RARB: variants seen among roughly 807,000 people sequenced by gnomAD.
RARB encodes the protein HBV-activated protein.
In RARB, 17 loss-of-function variants were observed where a neutral mutation model predicts 51.9. The ratio of observed to expected loss-of-function variants is 0.33; its 90% CI spans 0.22 to 0.49. RARB has a LOEUF of 0.49. RARB is among the 20% of genes least tolerant of loss of function. The probability of loss-of-function intolerance (pLI) is 0.99; values close to 1 mark genes in which losing one functional copy is unlikely to be tolerated. For synonymous variants in RARB, 215 were observed against 195.4 expected, an observed-to-expected ratio of 1.10 and a Z score of -0.84; for missense variants, 369 against 550.8, an observed-to-expected ratio of 0.67 and a Z score of 3.30.
intron 5 of RARB, among the ~76,000 whole-genome samples, chr3:25,202,559 C>G (rs1245651802): frequency 1.3e-5 from 2 of 152,128 alleles, no homozygotes; most frequent in Non-Finnish European, 1.5e-5. Flanking sequence ...CCTGCTTTGT[C>G]TTGCGGGCAT....
chr3:25,539,692 TTCCAGAGGTGGTCTG>T lies in RARB; in HGVS notation c.449-30058_449-30044del, dbSNP rs768930975. 6.2e-4 allele frequency among the ~76,000 whole-genome samples: 94 copies of T among 151,996 alleles called. 1 individual carries two copies. Among genetic ancestry groups the T allele is most frequent in the Admixed American group, 3.9e-4 (6 of 15,266 alleles). ...AGAGTCCCATTAATGGATCCTGGTATTCCAGAGGTGGTCTGTCCAGAGTACAGGAAAATGATCATC... is the reference window on the plus strand; with the variant it reads ...AGAGTCCCATTAATGGATCCTGGTATTCCAGAGTACAGGAAAATGATCATC... On this transcript the variant is annotated intron_variant, in intron 3 of 7. Coordinates refer to ENST00000330688, the MANE Select transcript of RARB (RefSeq NM_000965.5).
At chr3:24,994,672 G>T (rs904584088) in intron 2 of RARB, among the ~76,000 whole-genome samples, 2 of 151,956 alleles carry the variant, frequency 1.3e-5, no homozygotes, top group African/African-American at 4.8e-5. Context: ...TGATTTTGGG[G>T]TAGAGTGAGA....
chr3:25,414,891 G>C (rs1317742033), intron 5 of RARB, among the ~76,000 whole-genome samples: 1 of 152,120 alleles, frequency 6.6e-6, no homozygotes, highest in African/African-American at 2.4e-5. Flanking sequence ...GCCCAGGCTG[G>C]AGTGTAATGG....
intron 5 of RARB, among the ~76,000 whole-genome samples, chr3:25,204,911 C>T (rs1043583698): frequency 3.3e-5 from 5 of 152,236 alleles, no homozygotes; most frequent in Non-Finnish European, 7.3e-5. Flanking sequence ...ATTCTCAGAT[C>T]TCAAGCTGCG....
intron 5 of RARB, among the ~76,000 whole-genome samples, chr3:25,366,675 G>C (rs1706128839): frequency 6.6e-6 from 1 of 152,100 alleles, no homozygotes; most frequent in Non-Finnish European, 1.5e-5. Context: ...ATTTGTGAGG[G>C]GGACTTGTTC....
intron 5 of RARB, among the ~76,000 whole-genome samples, chr3:25,225,446 T>C (rs1331010479): frequency 1.3e-5 from 2 of 152,204 alleles, no homozygotes; most frequent in African/African-American, 4.8e-5. Flanking sequence ...CAAGGTGTGA[T>C]ACACATCAGT....
At chr3:25,370,390 G>A (rs548909573) in intron 5 of RARB, among the ~76,000 whole-genome samples, 6 of 152,304 alleles carry the variant, frequency 3.9e-5, no homozygotes, top group Non-Finnish European at 8.8e-5. Context: ...CATAAGGGTA[G>A]CAAGGTGCTT....
At chr3:25,332,762 T>A (rs546399359) in intron 5 of RARB, among the ~76,000 whole-genome samples, 4 of 152,312 alleles carry the variant, frequency 2.6e-5, no homozygotes, top group African/African-American at 9.6e-5. Flanking sequence ...GACATGATTG[T>A]ATATTTAGAA....
At chr3:24,861,405 C>T (rs1215175169) in intron 2 of RARB, among the ~76,000 whole-genome samples, 1 of 152,138 alleles carries the variant, frequency 6.6e-6, no homozygotes, top group Non-Finnish European at 1.5e-5. Flanking sequence ...TTCGTTAATA[C>T]AGAGAGGTGG....
At chr3:24,980,518 GTCGATCAAAT>G (rs1164879184) in intron 2 of RARB, among the ~76,000 whole-genome samples, 2 of 151,934 alleles carry the variant, frequency 1.3e-5, no homozygotes, top group Non-Finnish European at 2.9e-5. Flanking sequence ...TTGATCTTCA[GTCGATCAAAT>G]TCGATCCTTT....
intron 2 of RARB, among the ~76,000 whole-genome samples, chr3:25,003,271 C>A (rs1046399144): frequency 1.5e-4 from 22 of 151,332 alleles, no homozygotes. Flanking sequence ...GAAGGAAAAG[C>A]AGAACAGCCA....
intron 2 of RARB, among the ~76,000 whole-genome samples, chr3:25,489,622 G>A (rs1386998409): frequency 2.0e-5 from 3 of 152,258 alleles, no homozygotes; most frequent in Admixed American, 6.5e-5. Flanking sequence ...CTGTTGTAGA[G>A]AGAATGTTCC....
At chr3:25,229,791 C>G (rs1040148378) in intron 5 of RARB, among the ~76,000 whole-genome samples, 1 of 150,842 alleles carries the variant, frequency 6.6e-6, no homozygotes, top group African/African-American at 2.4e-5. Context: ...CCAATCCTAC[C>G]TTCGTGTTCC....
intron 5 of RARB, among the ~76,000 whole-genome samples, chr3:25,327,113 A>G (rs1704743108): frequency 6.6e-6 from 1 of 152,152 alleles, no homozygotes. Context: ...CACAGGGATT[A>G]TAAAAGTAGG....
intron 1 of RARB, among the ~76,000 whole-genome samples, chr3:24,852,247 C>A (rs976502585): frequency 6.6e-6 from 1 of 152,098 alleles, no homozygotes; most frequent in Admixed American, 6.5e-5. Flanking sequence ...AGCACCATTT[C>A]GCACATTTCA....
intron 5 of RARB, among the ~76,000 whole-genome samples, chr3:25,307,798 T>C (rs1704189233): frequency 6.6e-6 from 1 of 152,208 alleles, no homozygotes; most frequent in Admixed American, 6.5e-5. Flanking sequence ...TCAGTGTCTA[T>C]AGTAGGGGGT....
chr3:25,361,168 T>G (rs1377041211), intron 5 of RARB, among the ~76,000 whole-genome samples: 1 of 152,236 alleles, frequency 6.6e-6, no homozygotes, highest in African/African-American at 2.4e-5. Context: ...TTGGACACTT[T>G]GTTCCTTCCG....
chr3:24,888,986 A>T (rs987314938), intron 2 of RARB, among the ~76,000 whole-genome samples: 1 of 152,158 alleles, frequency 6.6e-6, no homozygotes, highest in African/African-American at 2.4e-5. Flanking sequence ...TTTTGATGAT[A>T]ATGTGAATTT....
At chr3:25,415,223 G>T (rs1262346806) in intron 5 of RARB, among the ~76,000 whole-genome samples, 1 of 151,648 alleles carries the variant, frequency 6.6e-6, no homozygotes, top group Admixed American at 6.6e-5. Context: ...TAATTATTTT[G>T]TTTTTTTTAT....
Sources: allele counts gnomAD v4.1 joint callset (sites outside exome capture counted in the v4.1 genomes callset), GRCh38; gene constraint gnomAD v4.1.1; transcripts MANE v1.5; gene names NCBI Gene and HGNC (gene_info 2026-07-23, HGNC 2026-07-21).